APBB2: variants seen among roughly 807,000 people sequenced by gnomAD.
APBB2 encodes the protein Fe65-like 1.
In APBB2, 38 loss-of-function variants were observed where a neutral mutation model predicts 82.5. That is an observed-to-expected ratio of 0.46 (90% CI 0.36 to 0.60). The LOEUF (loss-of-function observed/expected upper bound fraction) is 0.60, where lower values mean the gene tolerates loss of function less well. Ranked by LOEUF, APBB2 falls within the 20% of genes least tolerant of loss-of-function variation. APBB2 has a pLI of 0.00. For missense variants in APBB2, 772 were observed against 972.3 expected (o/e 0.79, Z 2.74); for synonymous variants, 341 against 368.2 (o/e 0.93, Z 0.85).
chr4:41,067,201 G>A (rs1732202582), intron 3 of APBB2, among the ~76,000 whole-genome samples: 1 of 152,150 alleles, frequency 6.6e-6, no homozygotes, highest in Non-Finnish European at 1.5e-5. Context: ...CCTGAGGTCG[G>A]GAGTTCGGGA....
chr4:41,206,243 T>C (rs375639037), intron 1 of APBB2, among the ~76,000 whole-genome samples: 8 of 152,082 alleles, frequency 5.3e-5, no homozygotes, highest in African/African-American at 1.7e-4. Context: ...TTTGCTGTAG[T>C]GGGAATTTTA....
chr4:41,114,189 A>C (rs1750165414), intron 2 of APBB2: 1 of 152,244 alleles, frequency 6.6e-6, no homozygotes, highest in Non-Finnish European at 1.5e-5. Context: ...CAATAAACGT[A>C]ATCCACCACA....
At chr4:40,825,761 T>C in intron 15 of APBB2, 126 bp downstream of exon 15, 2 of 725,704 alleles carry the variant, frequency 2.8e-6, no homozygotes, top group East Asian at 2.7e-5. Flanking sequence ...CAGGTGACAG[T>C]GTGACAGTTT....
At position 41,127,896 on chromosome 4, in the gene APBB2, T is replaced by C. The variant is rs1438970124; in HGVS notation, c.-261+15091A>G. 6.6e-6 allele frequency among the ~76,000 whole-genome samples: 1 copy of C among 151,938 alleles called. No homozygotes were observed. The highest frequency in any genetic ancestry group is 1.5e-5 in the Non-Finnish European group (1 of 67,952). Reference sequence around the variant, plus strand: ...GGAGTTCGAGACCAGCCTGGCCAACTTGATGCAACCCCATCTCTACCAAAA... The same window carrying C: ...GGAGTTCGAGACCAGCCTGGCCAACCTGATGCAACCCCATCTCTACCAAAA... On this transcript the variant is annotated intron_variant, in intron 2 of 17. Transcript: ENST00000508593. The surrounding 1 kb of genome is among the most constrained non-coding windows in gnomAD (Gnocchi z 4.8).
intron 1 of APBB2, among the ~76,000 whole-genome samples, chr4:41,162,913 G>A (rs1553971368): frequency 6.6e-6 from 1 of 152,040 alleles, no homozygotes; most frequent in African/African-American, 2.4e-5. Context: ...TATCCACTGA[G>A]TATCAATAAG....
intron 3 of APBB2, among the ~76,000 whole-genome samples, chr4:41,084,906 A>G (rs906324383): frequency 2.0e-5 from 3 of 152,188 alleles, no homozygotes; most frequent in Admixed American, 6.5e-5. Context: ...CAGCTTCAGT[A>G]TAAGTAAGTC....
At chr4:41,063,890 G>T (rs1255481911) in intron 4 of APBB2, among the ~76,000 whole-genome samples, 5 of 149,044 alleles carry the variant, frequency 3.4e-5, no homozygotes, top group Non-Finnish European at 7.4e-5. Flanking sequence ...TGTTGCCCAA[G>T]CTGGTCTTAA....
At position 40,928,531 on chromosome 4, in the gene APBB2, T is replaced by C. The variant is rs191808470; in HGVS notation, c.1254+5925A>G. Among the ~76,000 whole-genome samples, 78 of 151,078 alleles carry C rather than the reference T, an allele frequency of 5.2e-4. No homozygotes were observed. The East Asian group carries it at 0.012, about 23-fold the overall frequency. ...AGGCAGAGGTTGCAGTGAGCTGAGA[T>C]TGCACCACTGCACTCCAGCCTGGGC... On this transcript the variant is annotated intron_variant, in intron 10 of 17. Coordinates refer to ENST00000508593, the MANE Select transcript of APBB2 (RefSeq NM_004307.2).
chr4:41,013,459 C>T (rs1359764809), intron 6 of APBB2, 124 bp downstream of exon 6: 5 of 905,132 alleles, frequency 5.5e-6, no homozygotes, highest in Non-Finnish European at 8.5e-6. Context: ...CCAATTTTAC[C>T]GCAAGAGGCT....
At chr4:40,954,990 G>A (rs373029138) in intron 6 of APBB2, among the ~76,000 whole-genome samples, 1 of 147,808 alleles carries the variant, frequency 6.8e-6, no homozygotes. Context: ...TAACTACTGG[G>A]CTCCACAGAA....
intron 5 of APBB2, among the ~76,000 whole-genome samples, chr4:41,015,601 G>A (rs62412116): frequency 0.046 from 6,992 of 152,206 alleles, 339 homozygotes; most frequent in African/African-American, 0.13. Context: ...GAAAAAAGTT[G>A]CTCATTCTAG....
At chr4:41,110,852 G>A (rs1369123002) in intron 2 of APBB2, among the ~76,000 whole-genome samples, 1 of 152,160 alleles carries the variant, frequency 6.6e-6, no homozygotes, top group Non-Finnish European at 1.5e-5. Flanking sequence ...GGGGAGGTTG[G>A]AGGGGTTTAG....
chr4:41,020,688 G>A (rs775887356), intron 5 of APBB2, among the ~76,000 whole-genome samples: 2 of 152,190 alleles, frequency 1.3e-5, no homozygotes, highest in Admixed American at 6.5e-5. Flanking sequence ...AGTAAAGTTT[G>A]CTAAAAGTTA....
At chr4:41,119,145 A>G (rs1171882538) in intron 2 of APBB2, among the ~76,000 whole-genome samples, 1 of 27,908 alleles carries the variant, frequency 3.6e-5, no homozygotes, top group East Asian at 1.2e-3. Context: ...CTCAAAAATA[A>G]TTGATTTTTT....
chr4:40,822,078 T>A (rs770245297), intron 16 of APBB2, 28 bp from the exon 17 acceptor site: 3 of 1,611,666 alleles, frequency 1.9e-6, no homozygotes, highest in Admixed American at 3.3e-5. Flanking sequence ...CGGCATCCAA[T>A]CAGGAGATCC....
At chr4:40,846,350 T>C (rs972039627) in intron 12 of APBB2, among the ~76,000 whole-genome samples, 1 of 120,530 alleles carries the variant, frequency 8.3e-6, no homozygotes, top group East Asian at 2.3e-4. Flanking sequence ...AAAAAAAAAG[T>C]GCACAGACTC....
In APBB2 at chr4:40,825,969, T is replaced by C. The variant is rs377530046; in HGVS notation, c.1734A>G (p.Val578=). Residue 578 remains valine (V), a splice_region_variant and synonymous_variant, in exon 15 of 18, where the codon GTA becomes GTG. Coordinates refer to ENST00000508593, the MANE Select transcript of APBB2 (RefSeq NM_004307.2). ...GCTCAGTCTTTGGTGTTGGAAAATCTACTACAGGGAACAAAAGCAACACAT... is the reference window on the plus strand; with the variant it reads ...GCTCAGTCTTTGGTGTTGGAAAATCCACTACAGGGAACAAAAGCAACACAT... ...ANVNLDVPLQ[V]DFPTPKTELV... The C allele has an allele frequency of 1.1e-5, 17 of 1,613,418 alleles. No homozygotes were observed. The African/African-American group carries it at 2.0e-4, about 19-fold the overall frequency.
At chr4:40,997,298 G>A (rs62412082) in intron 6 of APBB2, among the ~76,000 whole-genome samples, 6,364 of 152,212 alleles carry the variant, frequency 0.042, 264 homozygotes, top group African/African-American at 0.11. Context: ...CTTTCTGTGC[G>A]TCAAGCAGCA....
At chr4:40,889,592 T>C (rs1451019718) in intron 12 of APBB2, among the ~76,000 whole-genome samples, 1 of 152,244 alleles carries the variant, frequency 6.6e-6, no homozygotes, top group Non-Finnish European at 1.5e-5. Flanking sequence ...TGCCAAAGAC[T>C]GACTATAATT....
Sources: gnomAD v4.1 joint callset for allele counts (sites outside exome capture counted in the v4.1 genomes callset) on GRCh38, gnomAD v4.1.1 for gene constraint, Gnocchi (gnomAD v3.1) non-coding constraint, MANE v1.5 for transcripts, NCBI Gene and HGNC (gene_info 2026-07-23, HGNC 2026-07-21) for gene names.